Variants in CEMIP2 observed in about 807,000 individuals in gnomAD.
The protein encoded by CEMIP2 is cell migration inducing hyaluronidase 2.
CEMIP2 carries 79 observed loss-of-function variants against 146.9 expected under a neutral mutation model. That is an observed-to-expected ratio of 0.54 (90% CI 0.45 to 0.65). The LOEUF is 0.65. CEMIP2 is among the 30% of genes least tolerant of loss of function. The probability of loss-of-function intolerance (pLI) is 0.00; values close to 1 mark genes in which losing one functional copy is unlikely to be tolerated. For missense variants in CEMIP2, 1,596 were observed against 1,696.2 expected, an observed-to-expected ratio of 0.94 and a Z score of 1.04; for synonymous variants, 601 against 606.3, an observed-to-expected ratio of 0.99 and a Z score of 0.13.
chr9:71,725,816 A>G, intron 10 of CEMIP2, 107 bp from the exon 11 acceptor site: 12 of 1,279,946 alleles, frequency 9.4e-6, no homozygotes, highest in Non-Finnish European at 1.3e-5. Flanking sequence ...TTTTCACCCA[A>G]ATTTTTCATT....
At chr9:71,746,497 G>T (rs1427268769) in intron 2 of CEMIP2, among the ~76,000 whole-genome samples, 156 bp from the exon 3 acceptor site, 1 of 147,594 alleles carries the variant, frequency 6.8e-6, no homozygotes, top group Non-Finnish European at 1.5e-5. Flanking sequence ...CTTCCCACCA[G>T]CAGAGAACCA....
At chr9:71,685,586 C>T (rs891731825) in intron 23 of CEMIP2, among the ~76,000 whole-genome samples, 157 bp downstream of exon 23, 1 of 152,110 alleles carries the variant, frequency 6.6e-6, no homozygotes, top group Non-Finnish European at 1.5e-5. Flanking sequence ...CATCCCAACA[C>T]ACTTCCTCTC....
In CEMIP2 at chr9:71,722,267, C is replaced by T. The variant is rs866305203; in HGVS notation, c.2267+160G>A. Among the ~76,000 whole-genome samples the T allele has an allele frequency of 1.6e-4, 24 of 152,254 alleles. 1 individual carries two copies. In the Middle Eastern group the frequency reaches 0.014, roughly 86 times the overall value. On this transcript the variant is annotated intron_variant, in intron 12 of 23. Coordinates refer to ENST00000377044, the MANE Select transcript of CEMIP2 (RefSeq NM_013390.3). ...ATAAGATAAAAGACCAGTCACAGGA[C>T]CTGGGACAACAGAATAAGTGGTTTT... is the stretch of plus-strand genomic sequence containing the variant.
intron 15 of CEMIP2, among the ~76,000 whole-genome samples, chr9:71,714,155 C>T (rs1165310604): frequency 2.6e-5 from 4 of 152,106 alleles, no homozygotes; most frequent in Non-Finnish European, 5.9e-5. Flanking sequence ...CAACATTCTG[C>T]GACAGCACTC....
intron 5 of CEMIP2, among the ~76,000 whole-genome samples, chr9:71,737,881 T>G (rs779250827): frequency 6.6e-6 from 1 of 152,158 alleles, no homozygotes. Flanking sequence ...CTAACAACAA[T>G]AATGATAGCT....
At chr9:71,764,081 T>G (rs1402341303) in intron 1 of CEMIP2, among the ~76,000 whole-genome samples, 1 of 152,254 alleles carries the variant, frequency 6.6e-6, no homozygotes, top group East Asian at 1.9e-4. Context: ...GCTTTTATTC[T>G]ATGATTCACA....
Position 71,692,096 on chromosome 9 carries a change from G to A in CEMIP2, c.3697-1850C>T, listed in dbSNP as rs192306611. On this transcript the variant is annotated intron_variant, in intron 21 of 23. Coordinates refer to ENST00000377044, the MANE Select transcript of CEMIP2 (RefSeq NM_013390.3). ...TGCACTTCAGCTTGGATGACAGAGC[G>A]AGACTCTATCTTAAAAAAAAAAAGA... Among the ~76,000 whole-genome samples, 490 of 147,572 alleles carry A rather than the reference G, an allele frequency of 3.3e-3. 1 individual carries two copies. The highest frequency in any genetic ancestry group is 6.0e-3 in the Non-Finnish European group (407 of 67,386).
At chr9:71,737,155 C>CA (rs34623620) in intron 5 of CEMIP2, among the ~76,000 whole-genome samples, 7,100 of 106,964 alleles carry the variant, frequency 0.066, 676 homozygotes, top group African/African-American at 0.23. Context: ...AGATCTTTCT[C>CA]AAAAAAAAAA....
At chr9:71,698,530 A>G (rs1822465515) in intron 19 of CEMIP2, among the ~76,000 whole-genome samples, 1 of 152,244 alleles carries the variant, frequency 6.6e-6, no homozygotes, top group Non-Finnish European at 1.5e-5. Context: ...GGAACACTTT[A>G]TACATAATGT....
At chr9:71,710,986 T>G (rs187680254) in intron 16 of CEMIP2, among the ~76,000 whole-genome samples, 2 of 152,308 alleles carry the variant, frequency 1.3e-5, no homozygotes, top group African/African-American at 4.8e-5. Flanking sequence ...TGGGTGGATG[T>G]GAATGAAAGA....
chr9:71,727,144 C>T (rs535499130), intron 10 of CEMIP2, among the ~76,000 whole-genome samples: 26 of 152,174 alleles, frequency 1.7e-4, no homozygotes, highest in Non-Finnish European at 3.4e-4. Context: ...ATACATGCAA[C>T]GCTTTCTTCT....
intron 11 of CEMIP2, among the ~76,000 whole-genome samples, chr9:71,722,861 A>G (rs1161620242): frequency 3.9e-5 from 6 of 152,188 alleles, no homozygotes; most frequent in Non-Finnish European, 8.8e-5. Flanking sequence ...AACGATAAGC[A>G]TATGATAAAG....
intron 13 of CEMIP2, 36 bp downstream of exon 13, chr9:71,717,912 G>T: frequency 6.4e-7 from 1 of 1,565,788 alleles, no homozygotes; most frequent in African/African-American, 1.4e-5. Flanking sequence ...TAATACATCA[G>T]TGTCATCATA....
chr9:71,756,504 T>TCACACA (rs1480091892), intron 1 of CEMIP2, among the ~76,000 whole-genome samples: 13 of 111,772 alleles, frequency 1.2e-4, no homozygotes, highest in Admixed American at 5.2e-4. Context: ...TCTCTCTCTC[T>TCACACA]CTCACACACA....
chr9:71,723,987 T>C (rs1485910302), intron 11 of CEMIP2, among the ~76,000 whole-genome samples: 1 of 152,162 alleles, frequency 6.6e-6, no homozygotes, highest in Non-Finnish European at 1.5e-5. Flanking sequence ...TTGAGTAAAT[T>C]ACTGCACATT....
chr9:71,699,964 A>T (rs1339934494), intron 19 of CEMIP2, among the ~76,000 whole-genome samples: 2 of 152,218 alleles, frequency 1.3e-5, no homozygotes, highest in African/African-American at 4.8e-5. Context: ...TTTGCAGAAG[A>T]AATGCATCTT....
At chr9:71,727,799 G>C (rs1477868216) in intron 10 of CEMIP2, among the ~76,000 whole-genome samples, 1 of 152,138 alleles carries the variant, frequency 6.6e-6, no homozygotes, top group Non-Finnish European at 1.5e-5. Context: ...GGTGGCTCAT[G>C]CCTGTAATCC....
At chr9:71,737,381 C>T (rs1209036435) in intron 5 of CEMIP2, among the ~76,000 whole-genome samples, 4 of 148,696 alleles carry the variant, frequency 2.7e-5, no homozygotes, top group South Asian at 4.2e-4. Flanking sequence ...GAACCCTAGC[C>T]TGGGTGACAG....
At chr9:71,715,627 T>TATAC (rs1554682981) in intron 14 of CEMIP2, among the ~76,000 whole-genome samples, 2 of 82,456 alleles carry the variant, frequency 2.4e-5, no homozygotes, top group Non-Finnish European at 4.3e-5. Context: ...CCTCTTAAGA[T>TATAC]ATATATATAT....
Sources: allele counts gnomAD v4.1 joint callset (sites outside exome capture counted in the v4.1 genomes callset), GRCh38; gene constraint gnomAD v4.1.1; transcripts MANE v1.5; gene names NCBI Gene and HGNC (gene_info 2026-07-23, HGNC 2026-07-21).